Variants in SEMA3A observed in about 807,000 individuals in gnomAD.
SEMA3A encodes semaphorin-3A.
Under a neutral mutation model 97.9 loss-of-function variants are expected in SEMA3A, and 29 were observed. The ratio of observed to expected loss-of-function variants is 0.30; its 90% CI spans 0.22 to 0.40. SEMA3A has a LOEUF of 0.40. SEMA3A is among the 10% of genes least tolerant of loss of function. SEMA3A has a pLI of 1.00. For synonymous variants in SEMA3A, 321 were observed against 323.7 expected (o/e 0.99, Z 0.09); for missense variants, 763 against 951.3 (o/e 0.80, Z 2.60).
intron 2 of SEMA3A, among the ~76,000 whole-genome samples, chr7:84,335,685 A>G (rs1161757133): frequency 6.6e-6 from 1 of 152,152 alleles, no homozygotes; most frequent in African/African-American, 2.4e-5. Context: ...GACCTTAGAG[A>G]GTGAATATAC....
At chr7:84,243,805 T>G (rs1356659579) in intron 3 of SEMA3A, among the ~76,000 whole-genome samples, 1 of 152,220 alleles carries the variant, frequency 6.6e-6, no homozygotes, top group Non-Finnish European at 1.5e-5. Context: ...TGTGTCTTTG[T>G]TGTCATTGGT....
intron 1 of SEMA3A, among the ~76,000 whole-genome samples, chr7:84,389,002 A>C (rs1803472781): frequency 6.6e-6 from 1 of 152,034 alleles, no homozygotes; most frequent in South Asian, 2.1e-4. Flanking sequence ...GATTATTATA[A>C]AGGAACAAAT....
intron 1 of SEMA3A, among the ~76,000 whole-genome samples, chr7:84,478,479 T>C (rs1806360064): frequency 6.6e-6 from 1 of 152,078 alleles, no homozygotes; most frequent in Non-Finnish European, 1.5e-5. Context: ...TTGGTGAAAA[T>C]AAAACCATGA....
chr7:84,095,263 A>G (rs1036462627), intron 4 of SEMA3A, among the ~76,000 whole-genome samples: 5 of 60,654 alleles, frequency 8.2e-5, no homozygotes, highest in Admixed American at 2.4e-4. Context: ...ATTATTATAT[A>G]CCATTATTAT....
intron 1 of SEMA3A, among the ~76,000 whole-genome samples, chr7:84,143,947 T>A (rs62474705): frequency 0.19 from 13,419 of 69,322 alleles, 811 homozygotes; most frequent in Non-Finnish European, 0.29. Context: ...TCTCTCTCTC[T>A]CTAACACACA....
At chr7:84,248,890 T>C (rs1279144410) in intron 3 of SEMA3A, among the ~76,000 whole-genome samples, 3 of 152,130 alleles carry the variant, frequency 2.0e-5, no homozygotes, top group African/African-American at 7.2e-5. Context: ...ACAGGAAACT[T>C]ACTGCTCCTC....
At chr7:84,117,786 G>C (rs1246326838) in intron 3 of SEMA3A, among the ~76,000 whole-genome samples, 1 of 152,090 alleles carries the variant, frequency 6.6e-6, no homozygotes, top group Non-Finnish European at 1.5e-5. Flanking sequence ...GTTAGACATG[G>C]GTTAAAATTA....
At chr7:84,278,775 G>T (rs1203440205) in intron 3 of SEMA3A, among the ~76,000 whole-genome samples, 1 of 152,050 alleles carries the variant, frequency 6.6e-6, no homozygotes, top group Non-Finnish European at 1.5e-5. Flanking sequence ...CAAAGGGATG[G>T]TGCCAAACCA....
At chr7:84,456,775 G>A (rs1805697292) in intron 1 of SEMA3A, among the ~76,000 whole-genome samples, 1 of 151,716 alleles carries the variant, frequency 6.6e-6, no homozygotes, top group Admixed American at 6.6e-5. Context: ...TCAGTGCTTT[G>A]TAGGGGTACA....
intron 4 of SEMA3A, among the ~76,000 whole-genome samples, chr7:84,109,672 G>A (rs1795218688): frequency 6.6e-6 from 1 of 152,094 alleles, no homozygotes; most frequent in Non-Finnish European, 1.5e-5. Flanking sequence ...TCAAGAATAA[G>A]TCCTTTATTT....
At chr7:84,214,813 C>T (rs1798708104) in intron 3 of SEMA3A, among the ~76,000 whole-genome samples, 1 of 151,650 alleles carries the variant, frequency 6.6e-6, no homozygotes, top group Non-Finnish European at 1.5e-5. Flanking sequence ...ATTCTCCTGC[C>T]CCAGCCTCCT....
At chr7:84,111,708 T>C (rs1795280367) in intron 3 of SEMA3A, among the ~76,000 whole-genome samples, 1 of 152,104 alleles carries the variant, frequency 6.6e-6, no homozygotes, top group Non-Finnish European at 1.5e-5. Context: ...CTGAGTACTT[T>C]GGGGGTAACT....
intron 3 of SEMA3A, among the ~76,000 whole-genome samples, chr7:84,253,168 G>A (rs886487309): frequency 6.6e-6 from 1 of 152,148 alleles, no homozygotes; most frequent in African/African-American, 2.4e-5. Flanking sequence ...ATGAGCCAAG[G>A]AGCCCAGTCC....
At chr7:84,313,374 A>G (rs867553072) in intron 2 of SEMA3A, among the ~76,000 whole-genome samples, 43 of 65,928 alleles carry the variant, frequency 6.5e-4, no homozygotes, top group East Asian at 2.4e-3. Flanking sequence ...ATATATATAT[A>G]TATATATATA....
At chr7:84,408,721 A>G (rs1584301063) in intron 1 of SEMA3A, among the ~76,000 whole-genome samples, 4 of 144,144 alleles carry the variant, frequency 2.8e-5, no homozygotes. Context: ...CCATAAAAAA[A>G]TGATGAGTTC....
chr7:84,424,520 ATGTTATATATAATATATAAATAT>A (rs1804699730), intron 1 of SEMA3A, among the ~76,000 whole-genome samples: 3 of 76,300 alleles, frequency 3.9e-5, no homozygotes, highest in Admixed American at 2.4e-4. Flanking sequence ...ATATTAATAT[ATGTTATATATAATATATAAATAT>A]TAATATATAT....
chr7:84,008,238 T>C (rs1790743552), intron 9 of SEMA3A, among the ~76,000 whole-genome samples: 1 of 152,212 alleles, frequency 6.6e-6, no homozygotes, highest in Non-Finnish European at 1.5e-5. Context: ...AAGCCTGTAA[T>C]ACCGGCACTT....
chr7:84,079,609 T>C (rs1417980408), intron 4 of SEMA3A, among the ~76,000 whole-genome samples: 1 of 150,048 alleles, frequency 6.7e-6, no homozygotes, highest in East Asian at 2.0e-4. Context: ...AAAATGCTCA[T>C]CATCACTGGC....
At chr7:84,418,026 C>T (rs187719585) in intron 1 of SEMA3A, among the ~76,000 whole-genome samples, 9 of 152,146 alleles carry the variant, frequency 5.9e-5, no homozygotes, top group Non-Finnish European at 1.0e-4. Context: ...TAATATTAGG[C>T]GTCGCCTTGA....
Sources: allele counts gnomAD v4.1 joint callset (sites outside exome capture counted in the v4.1 genomes callset), GRCh38; gene constraint gnomAD v4.1.1; transcripts MANE v1.5; gene names NCBI Gene and HGNC (gene_info 2026-07-23, HGNC 2026-07-21).